Variants in SAMSN1 observed in about 807,000 individuals in gnomAD.
SAMSN1 encodes SAM domain, SH3 domain and nuclear localization signals 1.
In SAMSN1, 31 loss-of-function variants were observed where a neutral mutation model predicts 42.0. The ratio of observed to expected loss-of-function variants is 0.74; its 90% confidence interval spans 0.55 to 1.00. The LOEUF is 1.00. Among genes scored for constraint, SAMSN1 ranks in the 50% least tolerant of loss-of-function variants. The probability of loss-of-function intolerance (pLI) is 0.00; values close to 1 mark genes in which losing one functional copy is unlikely to be tolerated. For synonymous variants in SAMSN1, 178 were observed against 151.9 expected, an observed-to-expected ratio of 1.17 and a Z score of -1.26; for missense variants, 464 against 439.4, an observed-to-expected ratio of 1.06 and a Z score of -0.50.
intron 1 of SAMSN1, among the ~76,000 whole-genome samples, chr21:14,646,184 G>T (rs1236810083): frequency 6.6e-6 from 1 of 152,062 alleles, no homozygotes; most frequent in Non-Finnish European, 1.5e-5. Flanking sequence ...ACACCAAGCA[G>T]ATTTAACCCT....
At chr21:14,599,738 G>A (rs960620849) in intron 6 of SAMSN1, among the ~76,000 whole-genome samples, 18 of 152,146 alleles carry the variant, frequency 1.2e-4, no homozygotes, top group African/African-American at 3.9e-4. Flanking sequence ...TCAGCCATGA[G>A]TGGAAGCAGC....
exon 2 of SAMSN1, chr21:14,582,351 T>A (rs1485985691): frequency 1.3e-6 from 2 of 1,550,162 alleles, no homozygotes; most frequent in Non-Finnish European, 1.7e-6. Context: ...TTTAAAGTGC[T>A]GGATCTACCC....
chr21:14,518,792 TC>T (rs1335704366), intron 2 of SAMSN1, among the ~76,000 whole-genome samples: 2 of 152,316 alleles, frequency 1.3e-5, no homozygotes, highest in South Asian at 4.1e-4. Context: ...AGGCAAAGAT[TC>T]TTTGCTTAAT....
At chr21:14,564,987 C>G (rs1981063583) in intron 2 of SAMSN1, among the ~76,000 whole-genome samples, 1 of 151,938 alleles carries the variant, frequency 6.6e-6, no homozygotes, top group South Asian at 2.1e-4. Context: ...GCTTGTAAAA[C>G]CAAGAAGAAA....
intron 7 of SAMSN1, among the ~76,000 whole-genome samples, chr21:14,588,760 A>G (rs1397955174): frequency 6.6e-6 from 1 of 151,846 alleles, no homozygotes; most frequent in Admixed American, 6.6e-5. Flanking sequence ...CGTCTATTCT[A>G]TCTCCAAAAT....
upstream of SAMSN1, among the ~76,000 whole-genome samples, chr21:14,587,702 A>G (rs1440917043): frequency 6.6e-6 from 1 of 151,680 alleles, no homozygotes; most frequent in Admixed American, 6.6e-5. Flanking sequence ...CACATATCCA[A>G]CTATGTATTT....
chr21:14,644,312 C>T (rs1483004709), intron 1 of SAMSN1, among the ~76,000 whole-genome samples: 2 of 151,488 alleles, frequency 1.3e-5, no homozygotes, highest in African/African-American at 4.9e-5. Context: ...CTTTGTCTTG[C>T]ATCGAGGGTA....
intron 2 of SAMSN1, among the ~76,000 whole-genome samples, chr21:14,626,009 A>G (rs1275264909): frequency 6.6e-6 from 1 of 152,224 alleles, no homozygotes; most frequent in Admixed American, 6.5e-5. Context: ...GACAAACCTG[A>G]CAAAAACAAG....
intron 1 of SAMSN1, among the ~76,000 whole-genome samples, chr21:14,526,018 C>T (rs1978829843): frequency 6.6e-6 from 1 of 151,870 alleles, no homozygotes; most frequent in Non-Finnish European, 1.5e-5. Flanking sequence ...GGCTTGCACC[C>T]CCACGCCCAG....
At chr21:14,518,479 C>T (rs1204963904) in intron 2 of SAMSN1, among the ~76,000 whole-genome samples, 2 of 151,986 alleles carry the variant, frequency 1.3e-5, no homozygotes, top group Admixed American at 6.6e-5. Context: ...TTGGGTTACA[C>T]GTCCTAAAAT....
chr21:14,579,207 C>A (rs4817268), intron 2 of SAMSN1, among the ~76,000 whole-genome samples: 2 of 152,190 alleles, frequency 1.3e-5, no homozygotes, highest in East Asian at 3.8e-4. Flanking sequence ...CTCTAACATG[C>A]TCTTGAACCC....
chr21:14,496,037 A>G (rs1396570901), intron 7 of SAMSN1: 1 of 152,168 alleles, frequency 6.6e-6, no homozygotes, highest in Non-Finnish European at 1.5e-5. Context: ...TTGGCACTGA[A>G]ACCATCTTCC....
chr21:14,573,929 C>T (rs1167866368), intron 2 of SAMSN1, among the ~76,000 whole-genome samples: 1 of 152,154 alleles, frequency 6.6e-6, no homozygotes, highest in Non-Finnish European at 1.5e-5. Flanking sequence ...CAAAATATGT[C>T]TTTTCTATAG....
intron 1 of SAMSN1, among the ~76,000 whole-genome samples, chr21:14,524,550 T>G (rs1043775344): frequency 6.6e-6 from 1 of 152,192 alleles, no homozygotes; most frequent in Non-Finnish European, 1.5e-5. Flanking sequence ...AAGGGAAATT[T>G]GGCAATATCT....
At chr21:14,524,230 T>C (rs1978683979) in intron 1 of SAMSN1, among the ~76,000 whole-genome samples, 1 of 152,180 alleles carries the variant, frequency 6.6e-6, no homozygotes, top group African/African-American at 2.4e-5. Context: ...AAACAAAGCT[T>C]GCTTCCTAAA....
intron 7 of SAMSN1, among the ~76,000 whole-genome samples, chr21:14,497,164 CTCA>C (rs1223130292): frequency 2.0e-5 from 3 of 152,196 alleles, no homozygotes; most frequent in Non-Finnish European, 4.4e-5. Flanking sequence ...GCTGTCTTAA[CTCA>C]TCATAAAAAT....
intron 1 of SAMSN1, among the ~76,000 whole-genome samples, chr21:14,582,757 C>T (rs1228744560): frequency 1.3e-5 from 2 of 151,824 alleles, no homozygotes; most frequent in African/African-American, 4.8e-5. Flanking sequence ...GAATGGAGGC[C>T]ACATACAAAT....
At chr21:14,523,562 A>C (rs1376525032) in intron 1 of SAMSN1, among the ~76,000 whole-genome samples, 2 of 152,228 alleles carry the variant, frequency 1.3e-5, no homozygotes, top group African/African-American at 4.8e-5. Context: ...GCAATCACAG[A>C]AGGGAATTGA....
chr21:14,605,845 T>A (rs866765511), intron 5 of SAMSN1, among the ~76,000 whole-genome samples: 45 of 150,130 alleles, frequency 3.0e-4, no homozygotes, highest in African/African-American at 1.0e-3. Context: ...TATTTATTTA[T>A]TTATTTATTT....
Sources: allele counts gnomAD v4.1 joint callset (sites outside exome capture counted in the v4.1 genomes callset), GRCh38; gene constraint gnomAD v4.1.1; transcripts MANE v1.5; gene names NCBI Gene and HGNC (gene_info 2026-07-23, HGNC 2026-07-21).